RANBP2: variants seen among roughly 807,000 people sequenced by gnomAD.
The protein encoded by RANBP2 is RAN binding protein 2, also known as E3 SUMO-protein ligase RanBP2.
Under a neutral mutation model 303.6 loss-of-function variants are expected in RANBP2, and 57 were observed. The ratio of observed to expected loss-of-function variants is 0.19; its 90% CI spans 0.15 to 0.23. The LOEUF is 0.23. Ranked by LOEUF, RANBP2 falls within the 10% of genes least tolerant of loss-of-function variation. The pLI, the probability that RANBP2 is intolerant of heterozygous loss-of-function variation, is 1.00. For missense variants in RANBP2, 3,138 were observed against 3,780.8 expected (o/e 0.83, Z 4.46); for synonymous variants, 1,167 against 1,301.5 (o/e 0.90, Z 2.23).
At chr2:109,384,137 C>G in the RANBP2 span, among the ~76,000 whole-genome samples, 3 of 152,200 alleles carry the variant, frequency 2.0e-5, no homozygotes, top group Non-Finnish European at 4.4e-5. Flanking sequence ...GTGCCCTCCC[C>G]ACAGTTCCTT....
At chr2:108,933,411 A>AG in the RANBP2 span, among the ~76,000 whole-genome samples, 1 of 152,144 alleles carries the variant, frequency 6.6e-6, no homozygotes, top group Middle Eastern at 3.2e-3. Flanking sequence ...AGGTGGGAGA[A>AG]GGGGGTCCCA....
the RANBP2 span, among the ~76,000 whole-genome samples, chr2:109,518,409 A>G: frequency 6.6e-6 from 1 of 152,162 alleles, no homozygotes; most frequent in African/African-American, 2.4e-5. Flanking sequence ...GGGTTCAGAG[A>G]GGTTAGGTAG....
chr2:109,533,498 T>C, the RANBP2 span, among the ~76,000 whole-genome samples: 5 of 152,244 alleles, frequency 3.3e-5, no homozygotes, highest in Non-Finnish European at 4.4e-5. Context: ...CCAGGCCATA[T>C]TGACAGAACC....
At chr2:109,711,842 T>C in the RANBP2 span, among the ~76,000 whole-genome samples, 2 of 152,150 alleles carry the variant, frequency 1.3e-5, no homozygotes, top group Non-Finnish European at 2.9e-5. Flanking sequence ...GTGTCCGTTG[T>C]GTGTTTATCA....
At chr2:109,529,492 A>C in the RANBP2 span, among the ~76,000 whole-genome samples, 2 of 152,182 alleles carry the variant, frequency 1.3e-5, no homozygotes, top group South Asian at 4.1e-4. Context: ...CACGGCCTGG[A>C]CCACAAAGGG....
chr2:109,652,363 C>T, the RANBP2 span, among the ~76,000 whole-genome samples: 4 of 151,950 alleles, frequency 2.6e-5, no homozygotes, highest in Admixed American at 2.6e-4. Context: ...GCTGGGACTA[C>T]AGGCACCCGC....
the RANBP2 span, among the ~76,000 whole-genome samples, chr2:109,747,570 G>T: frequency 2.0e-5 from 3 of 150,288 alleles, no homozygotes; most frequent in African/African-American, 7.4e-5. Flanking sequence ...CCAGCCTGGT[G>T]AAATCCCGTC....
the RANBP2 span, among the ~76,000 whole-genome samples, chr2:109,372,905 A>G: frequency 2.6e-5 from 4 of 152,232 alleles, no homozygotes; most frequent in Non-Finnish European, 5.9e-5. Flanking sequence ...GTTTGTTTAA[A>G]ACATCTGTCA....
chr2:109,407,828 A>G, the RANBP2 span, among the ~76,000 whole-genome samples: 1 of 152,200 alleles, frequency 6.6e-6, no homozygotes, highest in East Asian at 1.9e-4. Flanking sequence ...TCCATGACTT[A>G]CCAATCCTGG....
the RANBP2 span, among the ~76,000 whole-genome samples, chr2:108,937,394 G>C: frequency 6.6e-6 from 1 of 152,340 alleles, no homozygotes; most frequent in East Asian, 1.9e-4. Context: ...ACACGTGAGT[G>C]TATGTGTATC....
the RANBP2 span, among the ~76,000 whole-genome samples, chr2:108,844,206 C>T: frequency 6.6e-6 from 1 of 151,996 alleles, no homozygotes; most frequent in Non-Finnish European, 1.5e-5. Context: ...CTTTCCTGGA[C>T]TCTAATGACG....
the RANBP2 span, among the ~76,000 whole-genome samples, chr2:108,944,493 T>C: frequency 6.6e-6 from 1 of 152,224 alleles, no homozygotes; most frequent in East Asian, 1.9e-4. Context: ...GCCAATGCTG[T>C]TGCCTCTAAC....
At chr2:109,659,505 A>T in the RANBP2 span, among the ~76,000 whole-genome samples, 1 of 152,206 alleles carries the variant, frequency 6.6e-6, no homozygotes, top group Non-Finnish European at 1.5e-5. Flanking sequence ...CCAGGGCTGC[A>T]GTGCAGGTGG....
At chr2:108,873,864 C>T in the RANBP2 span, among the ~76,000 whole-genome samples, 4 of 152,116 alleles carry the variant, frequency 2.6e-5, no homozygotes, top group African/African-American at 9.7e-5. Context: ...GTTGGACAAG[C>T]TTGATTTAGA....
At chr2:108,844,362 CTG>C in the RANBP2 span, among the ~76,000 whole-genome samples, 2 of 152,104 alleles carry the variant, frequency 1.3e-5, no homozygotes, top group Admixed American at 1.3e-4. Context: ...GTTATTGAGA[CTG>C]TTATTGTATT....
At chr2:109,511,873 C>A in the RANBP2 span, among the ~76,000 whole-genome samples, 1 of 152,120 alleles carries the variant, frequency 6.6e-6, no homozygotes, top group South Asian at 2.1e-4. Flanking sequence ...ACCCAGGAGG[C>A]CGAGGTGGGG....
At chr2:108,986,037 C>G in the RANBP2 span, among the ~76,000 whole-genome samples, 6 of 152,088 alleles carry the variant, frequency 3.9e-5, no homozygotes, top group African/African-American at 1.4e-4. Context: ...TGTACAGGGT[C>G]AGCTATCCTT....
the RANBP2 span, among the ~76,000 whole-genome samples, chr2:109,324,840 C>G: frequency 6.6e-6 from 1 of 152,196 alleles, no homozygotes; most frequent in South Asian, 2.1e-4. Flanking sequence ...CGTCCCTCTC[C>G]TTGAGGTGTG....
chr2:108,931,178 G>C, the RANBP2 span: 1 of 736,904 alleles, frequency 1.4e-6, no homozygotes, highest in Non-Finnish European at 2.4e-6. Flanking sequence ...CAGACATGAA[G>C]CTGAAGCTGT....
Sources: gnomAD v4.1 joint callset for allele counts (sites outside exome capture counted in the v4.1 genomes callset) on GRCh38, gnomAD v4.1.1 for gene constraint, MANE v1.5 for transcripts, NCBI Gene and HGNC (gene_info 2026-07-23, HGNC 2026-07-21) for gene names.